ROBO2: variants seen among roughly 807,000 people sequenced by gnomAD.
The protein encoded by ROBO2 is roundabout guidance receptor 2.
A neutral mutation model predicts 160.8 loss-of-function variants in ROBO2; 53 were observed. That is an observed-to-expected ratio of 0.33 (90% CI 0.26 to 0.41). ROBO2 has a LOEUF of 0.41. ROBO2 is among the 10% of genes least tolerant of loss of function. The probability of loss-of-function intolerance (pLI) is 1.00; values close to 1 mark genes in which losing one functional copy is unlikely to be tolerated. For synonymous variants in ROBO2, 664 were observed against 611.7 expected (o/e 1.09, Z -1.26); for missense variants, 1,577 against 1,722.4 (o/e 0.92, Z 1.49).
intron 2 of ROBO2, among the ~76,000 whole-genome samples, chr3:76,970,256 C>T (rs1293197137): frequency 6.6e-6 from 1 of 152,160 alleles, no homozygotes; most frequent in Non-Finnish European, 1.5e-5. Context: ...CAAGGGCCTA[C>T]CTCTACCATT....
At chr3:75,937,332 A>G (rs1947828075) in intron 1 of ROBO2, 3 of 381,400 alleles carry the variant, frequency 7.9e-6, no homozygotes, top group Non-Finnish European at 1.4e-5. Context: ...GACAATCCTA[A>G]AGGGAAGCAT....
chr3:77,135,158 C>T (rs542248620), intron 2 of ROBO2, among the ~76,000 whole-genome samples: 1 of 152,144 alleles, frequency 6.6e-6, no homozygotes, highest in African/African-American at 2.4e-5. Context: ...CTTCAACATG[C>T]AAAACTCCTA....
intron 2 of ROBO2, among the ~76,000 whole-genome samples, chr3:76,490,372 T>C (rs1406134970): frequency 6.6e-6 from 1 of 152,244 alleles, no homozygotes; most frequent in African/African-American, 2.4e-5. Flanking sequence ...TCTCTCCTTT[T>C]GGGTCAATGG....
At chr3:76,285,899 A>G (rs940133351) in intron 2 of ROBO2, among the ~76,000 whole-genome samples, 1 of 151,984 alleles carries the variant, frequency 6.6e-6, no homozygotes, top group Non-Finnish European at 1.5e-5. Context: ...GTCCTGTTTG[A>G]TTTAAAATGT....
At chr3:77,266,235 T>C (rs1470202) in intron 2 of ROBO2, among the ~76,000 whole-genome samples, 75,372 of 151,434 alleles carry the variant, frequency 0.5, 19,984 homozygotes, top group Middle Eastern at 0.7. Context: ...CTCTTGGGCA[T>C]CTTTCAGAAT....
intron 2 of ROBO2, among the ~76,000 whole-genome samples, chr3:77,278,804 A>G (rs2060056351): frequency 6.6e-6 from 1 of 152,136 alleles, no homozygotes; most frequent in African/African-American, 2.4e-5. Context: ...GATAGTAGCA[A>G]TAAGTACAAA....
intron 2 of ROBO2, among the ~76,000 whole-genome samples, chr3:76,513,263 CTT>C (rs1358632456): frequency 6.6e-6 from 1 of 152,190 alleles, no homozygotes; most frequent in Non-Finnish European, 1.5e-5. Context: ...GTACCACTCT[CTT>C]GTTTTTAATC....
chr3:76,004,558 C>T (rs2065970504), intron 2 of ROBO2, among the ~76,000 whole-genome samples: 1 of 152,124 alleles, frequency 6.6e-6, no homozygotes. Flanking sequence ...GACTCACTTC[C>T]TGATTCAGAG....
chr3:76,004,340 C>A (rs1034535808), intron 2 of ROBO2, among the ~76,000 whole-genome samples: 1 of 152,122 alleles, frequency 6.6e-6, no homozygotes, highest in Admixed American at 6.6e-5. Context: ...ACTGTAGCCA[C>A]CCAAATCTGA....
chr3:75,928,860 ACG>A (rs939943352), intron 1 of ROBO2, among the ~76,000 whole-genome samples: 44 of 99,054 alleles, frequency 4.4e-4, no homozygotes, highest in Non-Finnish European at 3.0e-4. Context: ...GCTGGATAAG[ACG>A]TGTGTGTGTG....
intron 2 of ROBO2, among the ~76,000 whole-genome samples, chr3:76,538,209 T>C (rs2082621433): frequency 6.6e-6 from 1 of 151,674 alleles, no homozygotes; most frequent in Admixed American, 6.6e-5. Flanking sequence ...TGTGGGCAAG[T>C]GTATGTATGC....
intron 2 of ROBO2, among the ~76,000 whole-genome samples, chr3:77,104,537 A>G (rs10049411): frequency 1 from 152,040 of 152,304 alleles, 75,888 homozygotes; most frequent in Middle Eastern, 1. Context: ...GGAAATTTTG[A>G]TACACATTTT....
intron 2 of ROBO2, among the ~76,000 whole-genome samples, chr3:76,914,522 T>A (rs2076191904): frequency 6.6e-6 from 1 of 152,114 alleles, no homozygotes; most frequent in African/African-American, 2.4e-5. Flanking sequence ...AGTGTTGACT[T>A]TTCTGAAGAG....
chr3:76,712,393 G>A (rs895246567), intron 2 of ROBO2, among the ~76,000 whole-genome samples: 2 of 152,008 alleles, frequency 1.3e-5, no homozygotes, highest in South Asian at 2.1e-4. Flanking sequence ...TCTGCTTTTA[G>A]GCCAGGCATG....
intron 2 of ROBO2, among the ~76,000 whole-genome samples, chr3:76,654,645 A>G (rs1426339289): frequency 5.3e-5 from 8 of 152,098 alleles, no homozygotes; most frequent in Admixed American, 5.2e-4. Flanking sequence ...GGGTGACAAG[A>G]TCTGTGCTCA....
At chr3:77,576,091 T>G (rs80015447) in intron 14 of ROBO2, among the ~76,000 whole-genome samples, 1,631 of 152,160 alleles carry the variant, frequency 0.011, 32 homozygotes, top group African/African-American at 0.038. Context: ...GCAAGGTGAA[T>G]GAGAAACCCA....
chr3:76,424,302 T>C (rs574876701), intron 2 of ROBO2, among the ~76,000 whole-genome samples: 152 of 152,334 alleles, frequency 1.0e-3, no homozygotes, highest in Non-Finnish European at 1.9e-3. Context: ...CTTGCTAATA[T>C]TGAAAGTGTT....
At chr3:76,787,451 A>G (rs1022836282) in intron 2 of ROBO2, among the ~76,000 whole-genome samples, 2 of 150,966 alleles carry the variant, frequency 1.3e-5, no homozygotes, top group African/African-American at 4.9e-5. Flanking sequence ...AGTATTACTT[A>G]TTCTCACTAG....
At chr3:76,927,098 G>C (rs2077037016) in intron 2 of ROBO2, among the ~76,000 whole-genome samples, 1 of 152,066 alleles carries the variant, frequency 6.6e-6, no homozygotes, top group Non-Finnish European at 1.5e-5. Flanking sequence ...TGAGCTCTGG[G>C]CTGTTATTTA....
Sources: gnomAD v4.1 joint callset for allele counts (sites outside exome capture counted in the v4.1 genomes callset) on GRCh38, gnomAD v4.1.1 for gene constraint, MANE v1.5 for transcripts, NCBI Gene and HGNC (gene_info 2026-07-23, HGNC 2026-07-21) for gene names.